MRAP2: variants seen among roughly 807,000 people sequenced by gnomAD.
MRAP2 encodes melanocortin 2 receptor accessory protein 2, also known as melanocortin-2 receptor accessory protein 2.
A neutral mutation model predicts 17.4 loss-of-function variants in MRAP2; 20 were observed. The observed-to-expected ratio is 1.15, with a 90% CI of 0.81 to 1.67. The LOEUF is 1.67. Among genes scored for constraint, MRAP2 ranks in the 40% most tolerant of loss-of-function variants. MRAP2 has a pLI of 0.00. For synonymous variants in MRAP2, 96 were observed against 88.4 expected (o/e 1.09, Z -0.48); for missense variants, 238 against 240.0 (o/e 0.99, Z 0.05).
Position 84,090,775 on chromosome 6 carries a change from A to G in MRAP2, c.*1294A>G, listed in dbSNP as rs979592386. 3 of 152,188 alleles carry G rather than the reference A, an allele frequency of 2.0e-5. No homozygotes were observed. The highest frequency in any genetic ancestry group is 7.2e-5 in the African/African-American group (3 of 41,454). 9.4% of individuals were successfully genotyped at this position (152,188 alleles called of 1,614,324 possible). A position where few individuals can be genotyped will look rare whatever the true frequency, so the allele number is the denominator to read the frequency against. Reference sequence around the variant, plus strand: ...GTATTAAAACAACTTGATTTTGCGCACACAGTTGCATGCATGGCAAGCTGT... The same window carrying G: ...GTATTAAAACAACTTGATTTTGCGCGCACAGTTGCATGCATGGCAAGCTGT... On this transcript the variant is annotated 3_prime_UTR_variant, in exon 4 of 4. Coordinates refer to ENST00000257776, the MANE Select transcript of MRAP2 (RefSeq NM_138409.4).
At chr6:84,107,171 T>G in the MRAP2 span, among the ~76,000 whole-genome samples, 1 of 152,136 alleles carries the variant, frequency 6.6e-6, no homozygotes, top group Non-Finnish European at 1.5e-5. Flanking sequence ...GCTTCTCCTA[T>G]TCTGCACCCT....
chr6:84,095,681 A>C (rs1420782928), downstream of MRAP2, among the ~76,000 whole-genome samples: 1 of 152,194 alleles, frequency 6.6e-6, no homozygotes, highest in Non-Finnish European at 1.5e-5. Context: ...ACAATAATCC[A>C]TCCTGTCACC....
chr6:84,042,304 G>C (rs1235635918), intron 1 of MRAP2, among the ~76,000 whole-genome samples: 1 of 152,094 alleles, frequency 6.6e-6, no homozygotes, highest in East Asian at 1.9e-4. Flanking sequence ...AAATTACCCA[G>C]TCTCAGGTAT....
intron 1 of MRAP2, among the ~76,000 whole-genome samples, chr6:84,038,504 T>A (rs149012763): frequency 6.6e-6 from 1 of 152,290 alleles, no homozygotes; most frequent in East Asian, 1.9e-4. Context: ...ATTTATTCAT[T>A]TGAGACAAAG....
intron 1 of MRAP2, among the ~76,000 whole-genome samples, chr6:84,039,031 G>C (rs1180133313): frequency 6.6e-6 from 1 of 152,168 alleles, no homozygotes; most frequent in Non-Finnish European, 1.5e-5. Flanking sequence ...ATTTACTTTT[G>C]ACAAAGGAAG....
At chr6:84,035,549 A>G (rs1482877464) in intron 1 of MRAP2, 1 of 408,468 alleles carries the variant, frequency 2.4e-6, no homozygotes, top group Non-Finnish European at 3.3e-6. Context: ...AGAGAAAGAA[A>G]GATAAGATAT....
the MRAP2 span, among the ~76,000 whole-genome samples, chr6:84,107,616 A>G: frequency 6.6e-6 from 1 of 151,952 alleles, no homozygotes; most frequent in Non-Finnish European, 1.5e-5. Context: ...TAATCCTGAT[A>G]TAGGACAGTG....
the MRAP2 span, among the ~76,000 whole-genome samples, chr6:84,096,880 A>G: frequency 6.6e-6 from 1 of 152,206 alleles, no homozygotes; most frequent in Non-Finnish European, 1.5e-5. Flanking sequence ...CATCCCTAGC[A>G]GCTGGGAACA....
chr6:84,133,669 G>C, the MRAP2 span, among the ~76,000 whole-genome samples: 1 of 152,228 alleles, frequency 6.6e-6, no homozygotes, highest in East Asian at 1.9e-4. Context: ...TGAGCCATGC[G>C]CGGGATATAA....
the MRAP2 span, among the ~76,000 whole-genome samples, chr6:84,128,917 C>T: frequency 1.3e-5 from 2 of 151,872 alleles, no homozygotes; most frequent in South Asian, 2.1e-4. Context: ...GTTCAACTTC[C>T]ACTTATGAGT....
chr6:84,034,851 G>T (rs1184508607), intron 1 of MRAP2, among the ~76,000 whole-genome samples: 2 of 152,142 alleles, frequency 1.3e-5, no homozygotes, highest in Admixed American at 1.3e-4. Flanking sequence ...TTTCCAAGGT[G>T]ACTGCCCCAG....
At chr6:84,138,026 G>A in the MRAP2 span, among the ~76,000 whole-genome samples, 1 of 152,128 alleles carries the variant, frequency 6.6e-6, no homozygotes, top group African/African-American at 2.4e-5. Context: ...TATACTAAGT[G>A]GGAATCATCT....
chr6:84,053,117 G>A (rs1269551232), intron 1 of MRAP2, among the ~76,000 whole-genome samples: 1 of 152,196 alleles, frequency 6.6e-6, no homozygotes, highest in Non-Finnish European at 1.5e-5. Flanking sequence ...TGCTGACATT[G>A]AGAACTGCGT....
chr6:84,083,152 C>A (rs1281888186), intron 3 of MRAP2, among the ~76,000 whole-genome samples: 1 of 152,098 alleles, frequency 6.6e-6, no homozygotes, highest in Non-Finnish European at 1.5e-5. Flanking sequence ...GGCAAAAAAA[C>A]AAACAAACAA....
At chr6:84,131,210 G>T in the MRAP2 span, among the ~76,000 whole-genome samples, 1 of 152,160 alleles carries the variant, frequency 6.6e-6, no homozygotes, top group African/African-American at 2.4e-5. Context: ...CTGCACTGTG[G>T]TCTGAGAGAC....
the MRAP2 span, among the ~76,000 whole-genome samples, chr6:84,119,539 C>T: frequency 6.6e-6 from 1 of 152,190 alleles, no homozygotes; most frequent in Non-Finnish European, 1.5e-5. Context: ...GCTCTTAAAT[C>T]ATTTATGCAT....
rs1411106537 is a variant in MRAP2, at chr6:84,089,438, A to C, written c.575A>C (p.Glu192Ala). 2 of 1,613,866 alleles carry C rather than the reference A, an allele frequency of 1.2e-6. No homozygotes were observed. Among genetic ancestry groups the C allele is most frequent in the African/African-American group, 2.7e-5 (2 of 74,934 alleles). Reference sequence around the variant, plus strand: ...ATTTCTGAACCACCTATTGTTCTGGAAACTAAGCCACTTTCCCAGACCTCA... The same window carrying C: ...ATTTCTGAACCACCTATTGTTCTGGCAACTAAGCCACTTTCCCAGACCTCA... Reference protein sequence around the residue: ...LLISEPPIVLETKPLSQTSHK... With the variant: ...LLISEPPIVLATKPLSQTSHK... The change falls in exon 4 of 4, where the codon GAA becomes GCA. Residue 192 changes from glutamate to alanine, a missense_variant. Physicochemically the swap from Glu to Ala is moderately radical, Grantham distance 107. Transcript: ENST00000257776.
chr6:84,116,875 T>C, the MRAP2 span, among the ~76,000 whole-genome samples: 1 of 152,210 alleles, frequency 6.6e-6, no homozygotes, highest in Non-Finnish European at 1.5e-5. Context: ...GATGTACTGC[T>C]GAATTTGGTT....
the MRAP2 span, among the ~76,000 whole-genome samples, chr6:84,111,244 A>G: frequency 6.6e-6 from 1 of 152,116 alleles, no homozygotes; most frequent in East Asian, 1.9e-4. Context: ...TGAGCATGGA[A>G]TGTTTTTCCA....
Sources: gnomAD v4.1 joint callset for allele counts (sites outside exome capture counted in the v4.1 genomes callset) on GRCh38, gnomAD v4.1.1 for gene constraint, MANE v1.5 for transcripts, NCBI Gene and HGNC (gene_info 2026-07-23, HGNC 2026-07-21) for gene names.